The following SUSD1 variants were observed in gnomAD, a reference collection of about 807,000 sequenced individuals.
SUSD1 encodes the protein sushi domain-containing protein 1.
A neutral mutation model predicts 86.9 loss-of-function variants in SUSD1; 65 were observed. The ratio of observed to expected loss-of-function variants is 0.75; its 90% CI spans 0.61 to 0.92. The LOEUF (loss-of-function observed/expected upper bound fraction) is 0.92. Among genes scored for constraint, SUSD1 ranks in the 40% least tolerant of loss-of-function variants. SUSD1 has a pLI of 0.00. For missense variants in SUSD1, 850 were observed against 929.7 expected (o/e 0.91, Z 1.11); for synonymous variants, 346 against 350.0 (o/e 0.99, Z 0.13).
At chr9:112,077,040 A>G (rs893135705) in intron 12 of SUSD1, among the ~76,000 whole-genome samples, 6 of 152,164 alleles carry the variant, frequency 3.9e-5, no homozygotes, top group African/African-American at 1.4e-4. Flanking sequence ...TTTTTATAGA[A>G]AGGGGCAGAG....
intron 15 of SUSD1, among the ~76,000 whole-genome samples, chr9:112,051,247 C>T (rs898695379): frequency 2.6e-5 from 4 of 152,118 alleles, no homozygotes; most frequent in African/African-American, 9.7e-5. Context: ...GCACAAGAAA[C>T]ACATCTGGAC....
At chr9:112,045,255 T>C (rs1379420817) in intron 15 of SUSD1, among the ~76,000 whole-genome samples, 1 of 152,262 alleles carries the variant, frequency 6.6e-6, no homozygotes, top group Non-Finnish European at 1.5e-5. Context: ...TTCCAACTTC[T>C]GACATCAAGT....
chr9:112,099,018 TCTCTC>T (rs1255622339), intron 9 of SUSD1, among the ~76,000 whole-genome samples: 2 of 13,302 alleles, frequency 1.5e-4, no homozygotes, highest in Non-Finnish European at 2.7e-4. Flanking sequence ...TACTTCGTTC[TCTCTC>T]TCTCTCTCTC....
At chr9:112,174,894 C>T (rs1250798647) in intron 1 of SUSD1, among the ~76,000 whole-genome samples, 3 of 151,678 alleles carry the variant, frequency 2.0e-5, no homozygotes, top group Admixed American at 1.3e-4. Flanking sequence ...CGCCTTAAAA[C>T]CGGCGTCCCC....
chr9:112,110,055 A>G (rs1274798817), intron 8 of SUSD1, among the ~76,000 whole-genome samples: 1 of 152,160 alleles, frequency 6.6e-6, no homozygotes, highest in East Asian at 1.9e-4. Flanking sequence ...CCCCAAAATA[A>G]TAAATGACAT....
At chr9:112,061,570 T>C (rs1461211742) in intron 13 of SUSD1, among the ~76,000 whole-genome samples, 1 of 152,230 alleles carries the variant, frequency 6.6e-6, no homozygotes, top group Non-Finnish European at 1.5e-5. Context: ...ACATTTGTTC[T>C]TGCAAATGCT....
intron 10 of SUSD1, among the ~76,000 whole-genome samples, chr9:112,084,527 A>G (rs1462080439): frequency 1.3e-5 from 2 of 152,158 alleles, no homozygotes; most frequent in South Asian, 2.1e-4. Context: ...GAAATGTCTC[A>G]CTGGCTCAGT....
At chr9:112,042,808 C>G (rs1827798904) in intron 15 of SUSD1, among the ~76,000 whole-genome samples, 1 of 152,198 alleles carries the variant, frequency 6.6e-6, no homozygotes, top group African/African-American at 2.4e-5. Flanking sequence ...CTAAGTACAA[C>G]TCAGGTCTTT....
intron 8 of SUSD1, among the ~76,000 whole-genome samples, chr9:112,110,541 C>T (rs953547602): frequency 6.6e-6 from 1 of 151,754 alleles, no homozygotes; most frequent in African/African-American, 2.4e-5. Flanking sequence ...CATGCACCAT[C>T]ACACCAAGCT....
At chr9:112,089,275 CAG>C in intron 10 of SUSD1, among the ~76,000 whole-genome samples, 1 of 152,196 alleles carries the variant, frequency 6.6e-6, no homozygotes, top group African/African-American at 2.4e-5. Flanking sequence ...ATCCATCACA[CAG>C]AGAAAGAAAT....
At chr9:112,042,248 C>T (rs988003399) in intron 15 of SUSD1, 2 of 1,198,378 alleles carry the variant, frequency 1.7e-6, no homozygotes, top group African/African-American at 1.5e-5. Context: ...AAATACTATG[C>T]AACGTGTTAC....
At chr9:112,142,299 C>T (rs548755453) in intron 5 of SUSD1, 21 bp downstream of exon 5, 5 of 1,529,054 alleles carry the variant, frequency 3.3e-6, no homozygotes, top group South Asian at 2.6e-5. Context: ...AATTGGGAAC[C>T]TGTATTTTTT....
Position 112,068,750 on chromosome 9 carries a change from A to T in SUSD1, c.1754-5717T>A, listed in dbSNP as rs539509950. 3.3e-5 allele frequency among the ~76,000 whole-genome samples: 5 copies of T among 152,180 alleles called. 1 individual carries two copies. In the Middle Eastern group the frequency reaches 0.014, roughly 414 times the overall value. Reference sequence around the variant, plus strand: ...AGCCGTTCTGCACTTCAAAAATACAACTTAGAGAGCTGATCAAAGGATGAA... The same window carrying T: ...AGCCGTTCTGCACTTCAAAAATACATCTTAGAGAGCTGATCAAAGGATGAA... On this transcript the variant is annotated intron_variant, in intron 12 of 16. Coordinates refer to ENST00000374270, the MANE Select transcript of SUSD1 (RefSeq NM_022486.5).
intron 5 of SUSD1, among the ~76,000 whole-genome samples, chr9:112,139,815 G>A (rs1239733427): frequency 6.6e-6 from 1 of 152,128 alleles, no homozygotes; most frequent in East Asian, 1.9e-4. Context: ...ATAGATTGAT[G>A]TTTCCTTTAG....
intron 12 of SUSD1, among the ~76,000 whole-genome samples, chr9:112,073,858 G>A (rs1170081697): frequency 6.6e-6 from 1 of 151,926 alleles, no homozygotes; most frequent in Non-Finnish European, 1.5e-5. Context: ...ACACCACTGC[G>A]TAAGCAACAG....
chr9:112,060,545 C>A (rs1461035222), intron 13 of SUSD1, among the ~76,000 whole-genome samples: 3 of 152,246 alleles, frequency 2.0e-5, no homozygotes. Flanking sequence ...TGTGTGCCCA[C>A]CTCTGCCTCC....
chr9:112,078,782 T>C (rs1829636082), intron 11 of SUSD1, 58 bp from the exon 12 acceptor site: 1 of 1,418,844 alleles, frequency 7.0e-7, no homozygotes, highest in Non-Finnish European at 9.7e-7. Context: ...TTAGATGCCT[T>C]GAAACCTCCC....
chr9:112,123,227 G>A lies in SUSD1; in HGVS notation c.886+1030C>T, dbSNP rs183671470. Among the ~76,000 whole-genome samples the A allele has an allele frequency of 9.2e-5, 14 of 152,328 alleles. 1 individual carries two copies. The East Asian group carries it at 2.7e-3, about 29-fold the overall frequency. On this transcript the variant is annotated intron_variant, in intron 6 of 16. Coordinates refer to ENST00000374270, the MANE Select transcript of SUSD1 (RefSeq NM_022486.5). ...CATGGCACCAGCATCTGCTTCAGGT[G>A]AGGGCCCTGGGAAGTTGACAATCGT...
At chr9:112,173,942 G>T (rs933184112) in intron 1 of SUSD1, 3 of 260,158 alleles carry the variant, frequency 1.2e-5, no homozygotes, top group African/African-American at 4.5e-5. Context: ...GGGACTGGTT[G>T]TGTGTGGTGT....
Sources: allele counts gnomAD v4.1 joint callset (sites outside exome capture counted in the v4.1 genomes callset), GRCh38; gene constraint gnomAD v4.1.1; transcripts MANE v1.5; gene names NCBI Gene and HGNC (gene_info 2026-07-23, HGNC 2026-07-21).